The following CDH4 variants were observed in gnomAD, a reference collection of about 807,000 sequenced individuals.
CDH4 encodes cadherin 4, also known as cadherin-4.
A neutral mutation model predicts 86.0 loss-of-function variants in CDH4; 33 were observed. The observed-to-expected ratio is 0.38, with a 90% CI of 0.29 to 0.51. CDH4 has a LOEUF of 0.51. Among genes scored for constraint, CDH4 ranks in the 20% least tolerant of loss-of-function variants. The pLI, the probability that CDH4 is intolerant of heterozygous loss-of-function variation, is 0.86. For missense variants in CDH4, 1,114 were observed against 1,307.4 expected (o/e 0.85, Z 2.28); for synonymous variants, 555 against 549.4 (o/e 1.01, Z -0.14).
intron 2 of CDH4, among the ~76,000 whole-genome samples, chr20:61,418,271 C>T (rs1227144374): frequency 6.6e-6 from 1 of 150,508 alleles, no homozygotes; most frequent in Non-Finnish European, 1.5e-5. Context: ...ACTGCAGTGG[C>T]ACCATCTCGG....
intron 2 of CDH4, among the ~76,000 whole-genome samples, chr20:61,584,698 T>C (rs2086456618): frequency 6.6e-6 from 1 of 152,138 alleles, no homozygotes; most frequent in Admixed American, 6.5e-5. Flanking sequence ...GAATGTGTGC[T>C]TAGTGGGGGT....
At chr20:61,592,182 A>G (rs1326967684) in intron 2 of CDH4, among the ~76,000 whole-genome samples, 3 of 152,200 alleles carry the variant, frequency 2.0e-5, no homozygotes, top group Non-Finnish European at 4.4e-5. Flanking sequence ...GTTTGTCTGT[A>G]CTTCCCATTT....
chr20:61,524,727 C>T (rs1470276450), intron 2 of CDH4, among the ~76,000 whole-genome samples: 2 of 152,178 alleles, frequency 1.3e-5, no homozygotes, highest in Non-Finnish European at 2.9e-5. Flanking sequence ...TCAAGTGCTG[C>T]CCACCTCGGC....
At chr20:61,341,682 T>A (rs1276348048) in intron 2 of CDH4, among the ~76,000 whole-genome samples, 1 of 152,182 alleles carries the variant, frequency 6.6e-6, no homozygotes, top group Non-Finnish European at 1.5e-5. Context: ...GTTGATTAAT[T>A]GCCATGTGCT....
At chr20:61,256,040 A>G (rs2084096203) in intron 2 of CDH4, among the ~76,000 whole-genome samples, 1 of 152,222 alleles carries the variant, frequency 6.6e-6, no homozygotes, top group East Asian at 1.9e-4. Flanking sequence ...AGCAGAATAG[A>G]TGTGCAATCT....
intron 2 of CDH4, among the ~76,000 whole-genome samples, chr20:61,456,606 G>C (rs1375061666): frequency 6.6e-6 from 1 of 152,158 alleles, no homozygotes; most frequent in African/African-American, 2.4e-5. Flanking sequence ...TGAAGGTGAG[G>C]AGCTATATTA....
chr20:61,543,933 G>A (rs530115383), intron 2 of CDH4, among the ~76,000 whole-genome samples: 15 of 152,288 alleles, frequency 9.8e-5, no homozygotes, highest in South Asian at 6.2e-4. Context: ...GATTCTGACT[G>A]GGGATTTTTC....
chr20:61,607,900 C>T (rs185850842), intron 2 of CDH4, among the ~76,000 whole-genome samples: 48 of 152,288 alleles, frequency 3.2e-4, no homozygotes, highest in Admixed American at 1.2e-3. Context: ...AGGCTTTGCC[C>T]GTGTCTCACA....
At chr20:61,827,484 A>G (rs1373297244) in intron 4 of CDH4, among the ~76,000 whole-genome samples, 1 of 152,266 alleles carries the variant, frequency 6.6e-6, no homozygotes, top group Non-Finnish European at 1.5e-5. Flanking sequence ...GGGAGAAAGG[A>G]GACACAGATG....
intron 2 of CDH4, among the ~76,000 whole-genome samples, chr20:61,666,666 G>T (rs2087328174): frequency 6.6e-6 from 1 of 152,164 alleles, no homozygotes; most frequent in Non-Finnish European, 1.5e-5. Context: ...CTCCAGGAGG[G>T]ATCCCATCCC....
chr20:61,500,401 A>G (rs1366554167), intron 2 of CDH4, among the ~76,000 whole-genome samples: 1 of 152,232 alleles, frequency 6.6e-6, no homozygotes, highest in Non-Finnish European at 1.5e-5. Flanking sequence ...GTAGTTGCTC[A>G]TTACAATTCC....
chr20:61,309,699 G>A (rs1266125024), intron 2 of CDH4, among the ~76,000 whole-genome samples: 1 of 152,142 alleles, frequency 6.6e-6, no homozygotes, highest in Non-Finnish European at 1.5e-5. Context: ...TATTTAGTGG[G>A]GATTTGAACA....
In CDH4 at chr20:61,411,224, T is replaced by C. The variant is rs1347206256; in HGVS notation, c.169+156287T>C. Among the ~76,000 whole-genome samples, 3 of 151,350 alleles carry C rather than the reference T, an allele frequency of 2.0e-5. 1 individual carries two copies. The highest frequency in any genetic ancestry group is 2.0e-4 in the Admixed American group (3 of 15,140). ...GAGGTGCCTGCTTTCACGGGTCTAATGTTCTTACTGTTCATTCTTCACCAC... is the reference window on the plus strand; with the variant it reads ...GAGGTGCCTGCTTTCACGGGTCTAACGTTCTTACTGTTCATTCTTCACCAC... On this transcript the variant is annotated intron_variant, in intron 2 of 15. Coordinates refer to ENST00000614565, the MANE Select transcript of CDH4 (RefSeq NM_001794.5).
chr20:61,734,363 C>A (rs2088234184), intron 2 of CDH4, among the ~76,000 whole-genome samples: 1 of 152,238 alleles, frequency 6.6e-6, no homozygotes, highest in Non-Finnish European at 1.5e-5. Context: ...CTGCACACTT[C>A]CCAGGCTCGG....
chr20:61,493,867 C>G (rs1324668578), intron 2 of CDH4, among the ~76,000 whole-genome samples: 1 of 152,236 alleles, frequency 6.6e-6, no homozygotes, highest in Non-Finnish European at 1.5e-5. Context: ...CCTGGGAGAA[C>G]AGTGGCCCGT....
At chr20:61,910,768 T>A (rs2054842538) in intron 9 of CDH4, among the ~76,000 whole-genome samples, 161 bp downstream of exon 9, 1 of 152,118 alleles carries the variant, frequency 6.6e-6, no homozygotes, top group African/African-American at 2.4e-5. Flanking sequence ...AGACACAACC[T>A]TCACAAGGAC....
chr20:61,610,308 G>C (rs984511047), intron 2 of CDH4, among the ~76,000 whole-genome samples: 3 of 152,202 alleles, frequency 2.0e-5, no homozygotes, highest in African/African-American at 7.2e-5. Context: ...TTCCATCCAT[G>C]TTGCTGCAAA....
At chr20:61,581,331 A>G (rs2086426979) in intron 2 of CDH4, among the ~76,000 whole-genome samples, 1 of 152,190 alleles carries the variant, frequency 6.6e-6, no homozygotes, top group Non-Finnish European at 1.5e-5. Flanking sequence ...TAGGGGTCAG[A>G]AGTCCAGAAT....
At chr20:61,355,172 A>C (rs1291824306) in intron 2 of CDH4, among the ~76,000 whole-genome samples, 2 of 152,174 alleles carry the variant, frequency 1.3e-5, no homozygotes, top group African/African-American at 4.8e-5. Flanking sequence ...TTTCATTTCC[A>C]GGCAATAAAC....
Sources: gnomAD v4.1 joint callset for allele counts (sites outside exome capture counted in the v4.1 genomes callset) on GRCh38, gnomAD v4.1.1 for gene constraint, MANE v1.5 for transcripts, NCBI Gene and HGNC (gene_info 2026-07-23, HGNC 2026-07-21) for gene names.